DCAF6: variants seen among roughly 807,000 people sequenced by gnomAD.
The protein encoded by DCAF6 is DDB1- and CUL4-associated factor 6.
A neutral mutation model predicts 125.1 loss-of-function variants in DCAF6; 54 were observed. The ratio of observed to expected loss-of-function variants is 0.43; its 90% CI spans 0.35 to 0.54. The LOEUF (loss-of-function observed/expected upper bound fraction) is 0.54, where lower values mean the gene tolerates loss of function less well. Among genes scored for constraint, DCAF6 ranks in the 20% least tolerant of loss-of-function variants. The probability of loss-of-function intolerance (pLI) is 0.01; values close to 1 mark genes in which losing one functional copy is unlikely to be tolerated. For missense variants in DCAF6, 934 were observed against 1,161.7 expected, an observed-to-expected ratio of 0.80 and a Z score of 2.85; for synonymous variants, 371 against 390.4, an observed-to-expected ratio of 0.95 and a Z score of 0.58.
At chr1:167,978,286 A>G (rs1358756788) in intron 4 of DCAF6, among the ~76,000 whole-genome samples, 1 of 152,224 alleles carries the variant, frequency 6.6e-6, no homozygotes, top group African/African-American at 2.4e-5. Flanking sequence ...TTTTAGAGAT[A>G]AAGCCAAATA....
At chr1:168,020,613 C>T (rs1685557733) in intron 11 of DCAF6, among the ~76,000 whole-genome samples, 2 of 152,094 alleles carry the variant, frequency 1.3e-5, no homozygotes, top group African/African-American at 2.4e-5. Flanking sequence ...ACCATATATT[C>T]AGGTTTTTAG....
intron 12 of DCAF6, among the ~76,000 whole-genome samples, chr1:168,026,033 C>CT (rs978244433): frequency 2.6e-5 from 4 of 152,154 alleles, no homozygotes; most frequent in African/African-American, 9.6e-5. Flanking sequence ...ACCAAAACTA[C>CT]TTTTTTGTTG....
At chr1:168,037,103 CCTTT>C (rs77873310) in intron 12 of DCAF6, among the ~76,000 whole-genome samples, 3 of 148,272 alleles carry the variant, frequency 2.0e-5, no homozygotes, top group African/African-American at 7.6e-5. Context: ...TTCTCCCCCC[CCTTT>C]TTTTTTTTTT....
chr1:168,058,452 C>T (rs185326557), intron 17 of DCAF6, among the ~76,000 whole-genome samples: 51 of 152,270 alleles, frequency 3.3e-4, no homozygotes, highest in African/African-American at 1.1e-3. Flanking sequence ...TGTCACATAT[C>T]TTGATTTTTC....
intron 11 of DCAF6, among the ~76,000 whole-genome samples, chr1:168,018,450 T>G (rs897833549): frequency 6.6e-6 from 1 of 152,196 alleles, no homozygotes; most frequent in African/African-American, 2.4e-5. Flanking sequence ...AAAGTAGCAC[T>G]GTTGGGACTT....
chr1:167,948,245 C>A lies in DCAF6; in HGVS notation c.98-3555C>A, dbSNP rs376990663. Among the ~76,000 whole-genome samples the A allele has an allele frequency of 7.7e-4, 117 of 151,658 alleles. 1 individual carries two copies. In the South Asian group the frequency reaches 0.022, roughly 29 times the overall value. On this transcript the variant is annotated intron_variant, in intron 1 of 21. Coordinates refer to ENST00000367840, the MANE Select transcript of DCAF6 (RefSeq NM_001198956.2). ...GATTATAATGTTGCCATGGTGGAGA[C>A]CTTTTTACACTGTATTTGTCTGGTG...
the DCAF6 span, among the ~76,000 whole-genome samples, chr1:167,885,308 A>C: frequency 1.3e-5 from 2 of 152,262 alleles, no homozygotes; most frequent in South Asian, 4.2e-4. Flanking sequence ...TGTATCTAGG[A>C]GTAGAATTTC....
At chr1:168,065,525 G>C in intron 18 of DCAF6, 65 bp from the exon 19 acceptor site, 6 of 1,115,744 alleles carry the variant, frequency 5.4e-6, no homozygotes, top group Non-Finnish European at 7.6e-6. Context: ...AAATGTAAGA[G>C]TAGCATAAAT....
chr1:167,940,275 CAG>C (rs974086804), intron 1 of DCAF6, among the ~76,000 whole-genome samples: 1 of 152,200 alleles, frequency 6.6e-6, no homozygotes, highest in Non-Finnish European at 1.5e-5. Context: ...CCTGGGCCAA[CAG>C]AGTGTTGTTT....
chr1:168,066,459 T>C lies in DCAF6; in HGVS notation c.2679T>C (p.Ala893=). The C allele has an allele frequency of 6.3e-7, 1 of 1,596,704 alleles. No individual in the cohort carries two copies. Among genetic ancestry groups the C allele is most frequent in the Admixed American group, 1.7e-5 (1 of 59,832 alleles). Residue 893 remains alanine (A), a synonymous_variant, in exon 20 of 22, where the codon GCT becomes GCC. Coordinates refer to ENST00000367840, the MANE Select transcript of DCAF6 (RefSeq NM_001198956.2). ...CAAGGATTTTTAACCGAAAACTTGC[T>C]GATGAAGTAAGATTTTTATTGTACT... is the stretch of plus-strand genomic sequence containing the variant. The part of the protein sequence containing the change: ...EESRIFNRKL[A]DEVITRNELM...
At chr1:167,973,143 T>G (rs1677595014) in intron 3 of DCAF6, among the ~76,000 whole-genome samples, 1 of 152,208 alleles carries the variant, frequency 6.6e-6, no homozygotes, top group Admixed American at 6.5e-5. Context: ...TTATCTTGTT[T>G]AAAGGCTTTA....
chr1:168,004,248 T>C (rs190569750), intron 9 of DCAF6, among the ~76,000 whole-genome samples: 3 of 152,252 alleles, frequency 2.0e-5, no homozygotes, highest in Admixed American at 2.0e-4. Flanking sequence ...TTTTAAGCCT[T>C]TTTTTAATGC....
At chr1:167,916,763 T>C in the DCAF6 span, 1 of 152,174 alleles carries the variant, frequency 6.6e-6, no homozygotes, top group Admixed American at 6.5e-5. Context: ...TTTGTGTCTA[T>C]GTCATATTTC....
At chr1:168,071,792 A>G (rs374110101) in intron 21 of DCAF6, among the ~76,000 whole-genome samples, 1 of 152,228 alleles carries the variant, frequency 6.6e-6, no homozygotes, top group African/African-American at 2.4e-5. Flanking sequence ...CTGGCCTTCA[A>G]GGTCCTACAT....
At chr1:167,899,597 G>A in the DCAF6 span, 1 of 1,614,118 alleles carries the variant, frequency 6.2e-7, no homozygotes, top group African/African-American at 1.3e-5. Context: ...CATCTCCAAA[G>A]ACCAACATGC....
rs575065126 is a variant in DCAF6 at position 167,958,192 on chromosome 1, G to A, written c.159+6331G>A. Among the ~76,000 whole-genome samples, 22 of 152,150 alleles carry A rather than the reference G, an allele frequency of 1.4e-4. No individual in the cohort carries two copies. The South Asian group carries it at 1.7e-3, about 11-fold the overall frequency. ...GCTGTTTGCTTGGGCTGTTGGTGCC[G>A]TATTTAAGAAACTTGCTTAATCACT... On this transcript the variant is annotated intron_variant, in intron 2 of 21. Transcript: ENST00000367840.
chr1:168,032,292 G>A (rs897053934), intron 12 of DCAF6, among the ~76,000 whole-genome samples: 2 of 152,238 alleles, frequency 1.3e-5, no homozygotes, highest in Non-Finnish European at 2.9e-5. Flanking sequence ...TTGCCTCACA[G>A]TTATCTGTAG....
At chr1:167,887,765 GA>G in the DCAF6 span, among the ~76,000 whole-genome samples, 4 of 150,498 alleles carry the variant, frequency 2.7e-5, no homozygotes, top group African/African-American at 9.8e-5. Context: ...TTTTTTATCT[GA>G]TAAAATAATT....
chr1:167,883,396 TAA>T, the DCAF6 span: 1 of 1,604,020 alleles, frequency 6.2e-7, no homozygotes, highest in Non-Finnish European at 8.5e-7. Flanking sequence ...AATGCTAACC[TAA>T]AACTATTGGT....
Sources: gnomAD v4.1 joint callset for allele counts (sites outside exome capture counted in the v4.1 genomes callset) on GRCh38, gnomAD v4.1.1 for gene constraint, MANE v1.5 for transcripts, NCBI Gene and HGNC (gene_info 2026-07-23, HGNC 2026-07-21) for gene names.